BRINP3: variants seen among roughly 807,000 people sequenced by gnomAD.
BRINP3 encodes BMP/retinoic acid-inducible neural-specific protein 3.
BRINP3 carries 19 observed loss-of-function variants against 71.0 expected under a neutral mutation model. The ratio of observed to expected loss-of-function variants is 0.27; its 90% CI spans 0.19 to 0.39. The LOEUF is 0.39. Among genes scored for constraint, BRINP3 ranks in the 10% least tolerant of loss-of-function variants. The probability of loss-of-function intolerance (pLI) is 1.00; values close to 1 mark genes in which losing one functional copy is unlikely to be tolerated. For missense variants in BRINP3, 959 were observed against 940.8 expected, an observed-to-expected ratio of 1.02 and a Z score of -0.25; for synonymous variants, 380 against 337.7, an observed-to-expected ratio of 1.13 and a Z score of -1.37.
intron 2 of BRINP3, among the ~76,000 whole-genome samples, chr1:190,336,071 C>T (rs1472445767): frequency 6.6e-6 from 1 of 151,938 alleles, no homozygotes; most frequent in Non-Finnish European, 1.5e-5. Context: ...TGCCTTAATT[C>T]CTCTGTTTCC....
At chr1:190,267,040 G>C (rs1292389682) in intron 3 of BRINP3, among the ~76,000 whole-genome samples, 1 of 152,106 alleles carries the variant, frequency 6.6e-6, no homozygotes, top group Non-Finnish European at 1.5e-5. Context: ...ACAAGATACA[G>C]GAGCAATAGA....
At chr1:190,126,659 C>T (rs1001045607) in intron 7 of BRINP3, among the ~76,000 whole-genome samples, 2 of 151,834 alleles carry the variant, frequency 1.3e-5, no homozygotes, top group African/African-American at 4.8e-5. Context: ...CTTTCATTGT[C>T]TTTGTTCAAA....
intron 4 of BRINP3, among the ~76,000 whole-genome samples, chr1:190,254,127 T>C (rs1660421653): frequency 6.6e-6 from 1 of 152,128 alleles, no homozygotes; most frequent in South Asian, 2.1e-4. Context: ...TTGGTATATA[T>C]ATCTAATTTA....
Position 190,160,806 on chromosome 1 carries a change from G to C in BRINP3, c.1046C>G (p.Ser349Cys). The change falls in exon 7 of 8, where the codon TCT becomes TGT. Residue 349 changes from serine to cysteine, a missense_variant. Physicochemically the swap from Ser to Cys is moderately radical, Grantham distance 112. Coordinates refer to ENST00000367462, the MANE Select transcript of BRINP3 (RefSeq NM_199051.3). ...STIMHLWTMD[S>C]NFQRRYEQLE... ...TTGTTCATAACGGCGCTGAAAATTAGAATCCATTGTCCACAAATGCATTAT... is the reference window on the plus strand; with the variant it reads ...TTGTTCATAACGGCGCTGAAAATTACAATCCATTGTCCACAAATGCATTAT... The C allele has an allele frequency of 1.2e-6, 2 of 1,613,628 alleles. No homozygotes were observed. Among genetic ancestry groups the C allele is most frequent in the Non-Finnish European group, 1.7e-6 (2 of 1,179,716 alleles).
intron 2 of BRINP3, among the ~76,000 whole-genome samples, chr1:190,444,794 C>A (rs1297537610): frequency 6.6e-6 from 1 of 152,100 alleles, no homozygotes; most frequent in Admixed American, 6.5e-5. Context: ...TTGGCCCCCC[C>A]AAGGTGCTGG....
chr1:190,169,472 C>A (rs1209550148), intron 6 of BRINP3, among the ~76,000 whole-genome samples: 2 of 152,122 alleles, frequency 1.3e-5, no homozygotes, highest in African/African-American at 2.4e-5. Flanking sequence ...CATCTCCAAT[C>A]CTTTTGTTGA....
At chr1:190,258,042 C>A (rs1571540307) in intron 4 of BRINP3, among the ~76,000 whole-genome samples, 1 of 152,234 alleles carries the variant, frequency 6.6e-6, no homozygotes, top group Non-Finnish European at 1.5e-5. Context: ...ACGTTTAAGT[C>A]TGCAGAAGTT....
intron 7 of BRINP3, among the ~76,000 whole-genome samples, chr1:190,121,232 C>A (rs547040129): frequency 6.6e-6 from 1 of 152,188 alleles, no homozygotes; most frequent in South Asian, 2.1e-4. Context: ...CTGTACTGTA[C>A]TGTACTGGTA....
chr1:190,471,814 G>T (rs531246049), intron 1 of BRINP3, among the ~76,000 whole-genome samples: 23 of 151,396 alleles, frequency 1.5e-4, no homozygotes, highest in Admixed American at 2.6e-4. Context: ...ATTTTGTAAA[G>T]GTGACTGTAC....
At chr1:190,421,404 T>C (rs979906571) in intron 2 of BRINP3, among the ~76,000 whole-genome samples, 6 of 150,864 alleles carry the variant, frequency 4.0e-5, no homozygotes, top group South Asian at 4.2e-4. Flanking sequence ...AGGCCACTGA[T>C]AAACTGTTGA....
intron 1 of BRINP3, among the ~76,000 whole-genome samples, chr1:190,467,060 A>G (rs1201047924): frequency 6.6e-6 from 1 of 151,462 alleles, no homozygotes; most frequent in Non-Finnish European, 1.5e-5. Context: ...TTTCTCTTTA[A>G]TAGTTATTCT....
rs766404924 is a variant in BRINP3, at chr1:190,454,818, G to T, written c.73C>A (p.Leu25Ile). 2 of 1,614,004 alleles carry T rather than the reference G, an allele frequency of 1.2e-6. No homozygotes were observed. The highest frequency in any genetic ancestry group is 3.3e-5 in the Admixed American group (2 of 59,984). Residue 25 changes from leucine (L) to isoleucine (I), a missense_variant, in exon 2 of 8, where the codon CTT (leucine) becomes ATT (isoleucine). Leu to Ile is a conservative substitution (Grantham distance 5). Transcript: ENST00000367462. ...MALWEWIALS[L>I]HCWVLAVAAV... ...GCAACCGCTAAAACCCAGCAATGAA[G>T]ACTCAGTGCTATCCACTCCCATAGA...
At chr1:190,244,512 G>A (rs759780445) in intron 4 of BRINP3, among the ~76,000 whole-genome samples, 16 of 152,114 alleles carry the variant, frequency 1.1e-4, no homozygotes, top group Non-Finnish European at 1.9e-4. Context: ...AAATGTTCAG[G>A]TGCAAATGTC....
intron 2 of BRINP3, among the ~76,000 whole-genome samples, chr1:190,331,370 C>T (rs569460869): frequency 6.6e-6 from 1 of 152,052 alleles, no homozygotes; most frequent in African/African-American, 2.4e-5. Flanking sequence ...GCTATGAAAA[C>T]TTACTGTCGT....
chr1:190,158,828 G>A (rs975389327), intron 7 of BRINP3, among the ~76,000 whole-genome samples: 1 of 151,430 alleles, frequency 6.6e-6, no homozygotes, highest in Admixed American at 6.6e-5. Flanking sequence ...AAATGAAAAT[G>A]AGGTTGAAAA....
intron 2 of BRINP3, among the ~76,000 whole-genome samples, chr1:190,395,010 T>C (rs1005949942): frequency 2.0e-5 from 3 of 151,694 alleles, no homozygotes; most frequent in African/African-American, 4.8e-5. Flanking sequence ...ACATTGCACT[T>C]TTAATACACA....
intron 2 of BRINP3, among the ~76,000 whole-genome samples, chr1:190,429,565 T>A (rs1431842694): frequency 6.6e-5 from 10 of 151,832 alleles, no homozygotes; most frequent in African/African-American, 2.4e-4. Flanking sequence ...TAAAGATTTT[T>A]AAATTTTAAT....
chr1:190,468,863 A>AT (rs959359058), intron 1 of BRINP3, among the ~76,000 whole-genome samples: 44 of 149,344 alleles, frequency 2.9e-4, no homozygotes, highest in South Asian at 1.3e-3. Context: ...TGTCCTTTAA[A>AT]TTTTTTTTTT....
At chr1:190,146,640 G>T (rs530968380) in intron 7 of BRINP3, among the ~76,000 whole-genome samples, 1 of 152,232 alleles carries the variant, frequency 6.6e-6, no homozygotes, top group African/African-American at 2.4e-5. Flanking sequence ...GTAGGAAACT[G>T]AAGTCAAAAG....
Sources: gnomAD v4.1 joint callset for allele counts (sites outside exome capture counted in the v4.1 genomes callset) on GRCh38, gnomAD v4.1.1 for gene constraint, MANE v1.5 for transcripts, NCBI Gene and HGNC (gene_info 2026-07-23, HGNC 2026-07-21) for gene names.